PDE7B: variants seen among roughly 807,000 people sequenced by gnomAD.
PDE7B encodes 3',5'-cyclic-AMP phosphodiesterase 7B.
In PDE7B, 29 loss-of-function variants were observed where a neutral mutation model predicts 56.2. The ratio of observed to expected loss-of-function variants is 0.52; its 90% confidence interval spans 0.38 to 0.70. The LOEUF (loss-of-function observed/expected upper bound fraction) is 0.70. PDE7B is among the 30% of genes least tolerant of loss of function. The probability of loss-of-function intolerance (pLI) is 0.00; values close to 1 mark genes in which losing one functional copy is unlikely to be tolerated. For synonymous variants in PDE7B, 197 were observed against 196.9 expected, an observed-to-expected ratio of 1.00 and a Z score of 0.00; for missense variants, 490 against 565.0, an observed-to-expected ratio of 0.87 and a Z score of 1.35.
intron 2 of PDE7B, among the ~76,000 whole-genome samples, chr6:136,063,192 ATAT>A (rs762717636): frequency 5.5e-4 from 84 of 152,330 alleles, no homozygotes; most frequent in African/African-American, 1.9e-3. Flanking sequence ...ATATGGGTAA[ATAT>A]TATCGCAAGG....
chr6:135,942,044 C>A (rs990319929), intron 1 of PDE7B, among the ~76,000 whole-genome samples: 1 of 152,120 alleles, frequency 6.6e-6, no homozygotes, highest in African/African-American at 2.4e-5. Context: ...AAAACGTGAG[C>A]TTTTCACTGT....
At chr6:136,009,691 G>C (rs1330690408) in intron 2 of PDE7B, among the ~76,000 whole-genome samples, 2 of 152,186 alleles carry the variant, frequency 1.3e-5, no homozygotes, top group African/African-American at 4.8e-5. Flanking sequence ...TTTGTATCCT[G>C]AGACTTTGCT....
chr6:136,163,437 G>C (rs1443741138), intron 8 of PDE7B, among the ~76,000 whole-genome samples: 1 of 152,202 alleles, frequency 6.6e-6, no homozygotes, highest in East Asian at 1.9e-4. Flanking sequence ...AGAGCTGGGG[G>C]CCCTAGGCCC....
chr6:136,051,593 C>G (rs1776630086), intron 2 of PDE7B, among the ~76,000 whole-genome samples: 1 of 152,178 alleles, frequency 6.6e-6, no homozygotes, highest in African/African-American at 2.4e-5. Context: ...ATTCAGCTTG[C>G]TGGATGCATT....
intron 1 of PDE7B, among the ~76,000 whole-genome samples, chr6:135,939,311 G>T (rs542393892): frequency 2.0e-5 from 3 of 152,160 alleles, no homozygotes; most frequent in Non-Finnish European, 4.4e-5. Flanking sequence ...TCTTTTGCTG[G>T]TGTGTCTCTT....
At position 136,038,561 on chromosome 6, in the gene PDE7B, G is replaced by A. The variant is rs1007301038; in HGVS notation, c.83-70170G>A. 4.0e-6 allele frequency: 5 copies of A among 1,237,748 alleles called. No homozygotes were observed. In the South Asian group the frequency reaches 4.2e-5, roughly 10 times the overall value. 76.7% of individuals were successfully genotyped at this position (1,237,748 alleles called of 1,614,324 possible). A position where few individuals can be genotyped will look rare whatever the true frequency, so the allele number is the denominator to read the frequency against. On this transcript the variant is annotated intron_variant, in intron 2 of 12. Transcript: ENST00000308191. ...GACCATGGGGTGTAATAGGTCACAG[G>A]ACCAAGTCTGATAACTAACTCCCTT...
intron 2 of PDE7B, among the ~76,000 whole-genome samples, chr6:135,961,281 A>ATGTGTGTGTGTGTGTGTGTGTGTGTG (rs771473679): frequency 1.1e-5 from 1 of 89,512 alleles, no homozygotes; most frequent in African/African-American, 3.1e-5. Context: ...GTGTGTGTGT[A>ATGTGTGTGTGTGTGTGTGTGTGTGTG]TGTGTGTGTG....
At chr6:135,977,479 T>G (rs1775207432) in intron 2 of PDE7B, among the ~76,000 whole-genome samples, 2 of 152,294 alleles carry the variant, frequency 1.3e-5, no homozygotes, top group South Asian at 4.1e-4. Context: ...TTAAGGACAC[T>G]GCCTCCAAGG....
At chr6:135,956,662 C>T (rs1774799888) in intron 2 of PDE7B, among the ~76,000 whole-genome samples, 1 of 152,022 alleles carries the variant, frequency 6.6e-6, no homozygotes, top group South Asian at 2.1e-4. Flanking sequence ...TGCCTATAGT[C>T]TCAGCTACTC....
chr6:136,041,996 A>G (rs1390089164), intron 2 of PDE7B, among the ~76,000 whole-genome samples: 2 of 152,224 alleles, frequency 1.3e-5, no homozygotes, highest in Non-Finnish European at 2.9e-5. Context: ...TATTGATTAC[A>G]TGTAGATGGG....
chr6:136,132,718 TGA>T (rs1778139409), intron 3 of PDE7B, among the ~76,000 whole-genome samples: 1 of 152,150 alleles, frequency 6.6e-6, no homozygotes, highest in South Asian at 2.1e-4. Context: ...ATGAAATACA[TGA>T]GATATGTCTT....
chr6:136,191,964 C>T lies in PDE7B; in HGVS notation c.*124C>T, dbSNP rs1310918729. 1.8e-5 allele frequency: 13 copies of T among 705,462 alleles called. No individual in the cohort carries two copies. Among genetic ancestry groups the T allele is most frequent in the East Asian group, 5.4e-5 (2 of 36,858 alleles). 43.7% of individuals were successfully genotyped at this position (705,462 alleles called of 1,614,324 possible). On this transcript the variant is annotated 3_prime_UTR_variant, in exon 13 of 13. Transcript: ENST00000308191. Reference sequence around the variant, plus strand: ...AGTGTTGTCCTGGGGCTCTTTGGAACGCCATCTTCCTCCCACTTACCTGCC... The same window carrying T: ...AGTGTTGTCCTGGGGCTCTTTGGAATGCCATCTTCCTCCCACTTACCTGCC...
rs869049424 is a variant in PDE7B, at chr6:135,906,810, G to GTTTTTTTTTTTTT, written c.22-40640_22-40628dup. ...TTTGACTCAAATGTTAATGAGGTTT[G>GTTTTTTTTTTTTT]TTTTTTTTTTTTTTTTTTTTTTTTT... On this transcript the variant is annotated intron_variant, in intron 1 of 12. Coordinates refer to ENST00000308191, the MANE Select transcript of PDE7B (RefSeq NM_018945.4). 1.0e-4 allele frequency among the ~76,000 whole-genome samples: 6 copies of GTTTTTTTTTTTTT among 59,542 alleles called. 1 individual carries two copies. The East Asian group carries it at 2.7e-3, about 27-fold the overall frequency. 39.1% of individuals were successfully genotyped at this position (59,542 alleles called of 152,430 possible).
At chr6:136,147,669 C>T (rs1455024908) in intron 4 of PDE7B, among the ~76,000 whole-genome samples, 167 bp downstream of exon 4, 1 of 152,174 alleles carries the variant, frequency 6.6e-6, no homozygotes, top group East Asian at 1.9e-4. Context: ...ATGAAATTAA[C>T]AGAAACATCC....
At chr6:135,900,219 G>A (rs1398851235) in intron 1 of PDE7B, among the ~76,000 whole-genome samples, 1 of 151,798 alleles carries the variant, frequency 6.6e-6, no homozygotes, top group Non-Finnish European at 1.5e-5. Context: ...CAGTGAGCAT[G>A]TTTAACCTTA....
chr6:136,161,757 T>G (rs1457579044), intron 8 of PDE7B, among the ~76,000 whole-genome samples: 4 of 152,212 alleles, frequency 2.6e-5, no homozygotes, highest in African/African-American at 9.7e-5. Flanking sequence ...TTAACTTTTG[T>G]AGCTACTGAA....
chr6:135,978,939 C>T (rs1353656504), intron 2 of PDE7B, among the ~76,000 whole-genome samples: 2 of 151,974 alleles, frequency 1.3e-5, no homozygotes, highest in Non-Finnish European at 2.9e-5. Flanking sequence ...TGAGAGAGGG[C>T]ATCCGTGTCT....
intron 2 of PDE7B, among the ~76,000 whole-genome samples, chr6:136,059,153 A>C (rs2128212345): frequency 6.6e-6 from 1 of 152,306 alleles, no homozygotes; most frequent in African/African-American, 2.4e-5. Flanking sequence ...TTTATGCCAG[A>C]GATTGCAATT....
chr6:135,916,783 T>A (rs1474202747), intron 1 of PDE7B, among the ~76,000 whole-genome samples: 2 of 152,274 alleles, frequency 1.3e-5, no homozygotes, highest in East Asian at 3.9e-4. Context: ...TACATACAAT[T>A]TCATTGTCAG....
Sources: gnomAD v4.1 joint callset for allele counts (sites outside exome capture counted in the v4.1 genomes callset) on GRCh38, gnomAD v4.1.1 for gene constraint, MANE v1.5 for transcripts, NCBI Gene and HGNC (gene_info 2026-07-23, HGNC 2026-07-21) for gene names.